Variants in PLEKHM3 observed in about 807,000 individuals in gnomAD.
PLEKHM3 encodes pleckstrin homology domain-containing family M member 3.
PLEKHM3 carries 45 observed loss-of-function variants against 81.8 expected under a neutral mutation model. The observed-to-expected ratio is 0.55, with a 90% CI of 0.43 to 0.71. PLEKHM3 has a LOEUF of 0.71. Among genes scored for constraint, PLEKHM3 ranks in the 30% least tolerant of loss-of-function variants. The pLI is 0.00. For missense variants in PLEKHM3, 788 were observed against 924.3 expected (o/e 0.85, Z 1.91); for synonymous variants, 352 against 356.4 (o/e 0.99, Z 0.14).
intron 6 of PLEKHM3, among the ~76,000 whole-genome samples, chr2:207,908,019 C>G (rs901826675): frequency 3.3e-5 from 5 of 152,172 alleles, no homozygotes; most frequent in Admixed American, 1.3e-4. Context: ...TGCATCAGTA[C>G]TTCACTTCTT....
chr2:208,019,020 C>A (rs527670147), intron 1 of PLEKHM3, among the ~76,000 whole-genome samples: 89 of 151,814 alleles, frequency 5.9e-4, no homozygotes, highest in Admixed American at 1.8e-3. Flanking sequence ...GAAACTGGGA[C>A]CAGGTGTGGT....
chr2:207,918,700 G>A (rs989958705), intron 5 of PLEKHM3, among the ~76,000 whole-genome samples: 10 of 152,102 alleles, frequency 6.6e-5, no homozygotes, highest in African/African-American at 2.2e-4. Flanking sequence ...TGTAATAAGA[G>A]AAAAAATAAG....
At chr2:208,003,484 A>G (rs1427598122) in intron 1 of PLEKHM3, among the ~76,000 whole-genome samples, 1 of 152,240 alleles carries the variant, frequency 6.6e-6, no homozygotes, top group African/African-American at 2.4e-5. Context: ...ACCTATGTAA[A>G]TTAAACTCAT....
chr2:207,994,954 A>G (rs1692021587), intron 2 of PLEKHM3, among the ~76,000 whole-genome samples: 2 of 152,190 alleles, frequency 1.3e-5, no homozygotes, highest in Non-Finnish European at 2.9e-5. Flanking sequence ...CAGTTAAAAA[A>G]TGGGCCAAAC....
chr2:208,021,671 T>G (rs1172247513), intron 1 of PLEKHM3, among the ~76,000 whole-genome samples: 1 of 152,248 alleles, frequency 6.6e-6, no homozygotes, highest in East Asian at 1.9e-4. Flanking sequence ...TGCTTGTCAT[T>G]TTGAAAATAC....
intron 6 of PLEKHM3, among the ~76,000 whole-genome samples, chr2:207,897,597 A>T (rs1688267229): frequency 1.3e-5 from 2 of 152,144 alleles, no homozygotes. Context: ...CGGCATTTGA[A>T]CATAGACAGG....
chr2:207,939,281 G>C (rs1689858052), intron 4 of PLEKHM3, among the ~76,000 whole-genome samples: 1 of 152,178 alleles, frequency 6.6e-6, no homozygotes. Context: ...AGGATAGAAT[G>C]ATAATTTTGT....
chr2:207,927,407 TC>T (rs1272814569), intron 5 of PLEKHM3, among the ~76,000 whole-genome samples: 1 of 140,088 alleles, frequency 7.1e-6, no homozygotes, highest in Admixed American at 7.2e-5. Flanking sequence ...TCCCAGCCAC[TC>T]AGGAGGCTGA....
chr2:207,873,107 A>G (rs1215189151), intron 6 of PLEKHM3, among the ~76,000 whole-genome samples: 5 of 152,200 alleles, frequency 3.3e-5, no homozygotes, highest in Admixed American at 3.3e-4. Context: ...GAAGGATGAA[A>G]GCAATAATAA....
intron 1 of PLEKHM3, among the ~76,000 whole-genome samples, chr2:208,012,894 C>T (rs1692749375): frequency 6.6e-6 from 1 of 152,216 alleles, no homozygotes; most frequent in Admixed American, 6.5e-5. Flanking sequence ...AACCATTTAT[C>T]CTCAACAAGC....
In PLEKHM3 at chr2:207,823,797, A is replaced by G. The variant is rs1010833962; in HGVS notation, c.*4522T>C. ...ACCGGTATGGTTAGGAGGGTATCCC[A>G]TACTCTTGTCTTTTACCTAGAGTTT... On this transcript the variant is annotated 3_prime_UTR_variant, in exon 8 of 8. Coordinates refer to ENST00000427836, the MANE Select transcript of PLEKHM3 (RefSeq NM_001080475.3). 2.0e-5 allele frequency: 3 copies of G among 152,214 alleles called. No individual in the cohort carries two copies. The highest frequency in any genetic ancestry group is 4.8e-5 in the African/African-American group (2 of 41,442). The allele number at this position is 152,214 out of a possible 1,614,324, so 9.4% of individuals were successfully genotyped here.
At chr2:207,912,000 A>G (rs900393311) in intron 5 of PLEKHM3, among the ~76,000 whole-genome samples, 1 of 152,236 alleles carries the variant, frequency 6.6e-6, no homozygotes, top group Non-Finnish European at 1.5e-5. Flanking sequence ...TCACACTGGC[A>G]TACTCTTCCT....
chr2:207,940,677 A>G (rs1227684251), intron 4 of PLEKHM3, among the ~76,000 whole-genome samples: 1 of 152,220 alleles, frequency 6.6e-6, no homozygotes, highest in African/African-American at 2.4e-5. Flanking sequence ...AATAAGTGCA[A>G]TCCTCAAGGG....
chr2:208,007,482 C>A (rs1306539998), intron 1 of PLEKHM3, among the ~76,000 whole-genome samples: 2 of 152,116 alleles, frequency 1.3e-5, no homozygotes, highest in African/African-American at 4.8e-5. Flanking sequence ...AGCTCAGAGG[C>A]CTATCAGATG....
At chr2:207,929,312 G>T (rs1689509499) in intron 5 of PLEKHM3, among the ~76,000 whole-genome samples, 1 of 152,198 alleles carries the variant, frequency 6.6e-6, no homozygotes, top group Admixed American at 6.5e-5. Flanking sequence ...GAGATTCTTA[G>T]TCATCCATAT....
At chr2:207,832,539 C>A (rs1559199243) in intron 7 of PLEKHM3, among the ~76,000 whole-genome samples, 1 of 152,132 alleles carries the variant, frequency 6.6e-6, no homozygotes, top group Non-Finnish European at 1.5e-5. Context: ...TGCCTGTAAT[C>A]CCAGCACTTT....
chr2:207,859,128 T>C lies in PLEKHM3; in HGVS notation c.2108+1977A>G, dbSNP rs147485706. Among the ~76,000 whole-genome samples, 622 of 116,240 alleles carry C rather than the reference T, an allele frequency of 5.4e-3. 4 individuals are homozygous for C. The highest frequency in any genetic ancestry group is 0.018 in the African/African-American group (595 of 32,438). 76.3% of individuals were successfully genotyped at this position (116,240 alleles called of 152,430 possible). A position where few individuals can be genotyped will look rare whatever the true frequency, so the allele number is the denominator to read the frequency against. ...GTTGCAGCATGTATCAGTACGTTTT[T>C]TCTTTTTCTTTTTTTTTTTTTTTTT... On this transcript the variant is annotated intron_variant, in intron 7 of 7. Coordinates refer to ENST00000427836, the MANE Select transcript of PLEKHM3 (RefSeq NM_001080475.3).
intron 5 of PLEKHM3, among the ~76,000 whole-genome samples, chr2:207,923,362 C>A (rs977738052): frequency 6.6e-6 from 1 of 152,136 alleles, no homozygotes; most frequent in African/African-American, 2.4e-5. Context: ...AATCCCAGTA[C>A]TTTGGGAGGC....
At chr2:208,010,230 G>A (rs1475458678) in intron 1 of PLEKHM3, among the ~76,000 whole-genome samples, 2 of 152,188 alleles carry the variant, frequency 1.3e-5, no homozygotes, top group African/African-American at 4.8e-5. Context: ...CAAAATCATT[G>A]AGACATTTGC....
Sources: gnomAD v4.1 joint callset for allele counts (sites outside exome capture counted in the v4.1 genomes callset) on GRCh38, gnomAD v4.1.1 for gene constraint, MANE v1.5 for transcripts, NCBI Gene and HGNC (gene_info 2026-07-23, HGNC 2026-07-21) for gene names.